Variants in COL4A4 observed in about 807,000 individuals in gnomAD.
The protein encoded by COL4A4 is collagen type IV alpha 4 chain, also known as collagen alpha-4(IV) chain.
COL4A4 carries 105 observed loss-of-function variants against 192.9 expected under a neutral mutation model. That is an observed-to-expected ratio of 0.54 (90% CI 0.46 to 0.64). The LOEUF is 0.64. Ranked by LOEUF, COL4A4 falls within the 30% of genes least tolerant of loss-of-function variation. The probability of loss-of-function intolerance (pLI) is 0.00; values close to 1 mark genes in which losing one functional copy is unlikely to be tolerated. For missense variants in COL4A4, 1,967 were observed against 2,169.3 expected (o/e 0.91, Z 1.85); for synonymous variants, 762 against 769.9 (o/e 0.99, Z 0.17).
intron 36 of COL4A4, among the ~76,000 whole-genome samples, chr2:227,042,456 A>G (rs1036759218): frequency 6.6e-6 from 1 of 152,220 alleles, no homozygotes; most frequent in African/African-American, 2.4e-5. Flanking sequence ...TGAAGTTGCC[A>G]ACTATAGTTT....
At position 227,060,119 on chromosome 2, in the gene COL4A4, A is replaced by AAAAC. The variant is rs1976575098; in HGVS notation, c.2164+16_2164+17insGTTT. The AAAAC allele has an allele frequency of 7.2e-7, 1 of 1,391,168 alleles. No homozygotes were observed. The highest frequency in any genetic ancestry group is 1.5e-5 in the African/African-American group (1 of 68,178). 86.2% of individuals were successfully genotyped at this position (1,391,168 alleles called of 1,614,324 possible). A position where few individuals can be genotyped will look rare whatever the true frequency, so the allele number is the denominator to read the frequency against. On this transcript the variant is annotated intron_variant, in intron 27 of 47. Coordinates refer to ENST00000396625, the MANE Select transcript of COL4A4 (RefSeq NM_000092.5). ...CAAAGCAGAAAAAAAAAAAAAAAAA[A>AAAAC]AAAAAACCTCACTGACCAGGTGGAC...
At chr2:227,138,504 G>T (rs2062975173) in intron 4 of COL4A4, among the ~76,000 whole-genome samples, 1 of 151,982 alleles carries the variant, frequency 6.6e-6, no homozygotes, top group East Asian at 1.9e-4. Flanking sequence ...ATGGTGGCGG[G>T]CGCCTGTAGT....
intron 32 of COL4A4, among the ~76,000 whole-genome samples, chr2:227,052,097 A>G (rs965285322): frequency 6.6e-6 from 1 of 152,060 alleles, no homozygotes; most frequent in African/African-American, 2.4e-5. Context: ...AGGCTGAGGC[A>G]GGAGAATCGC....
intron 25 of COL4A4, among the ~76,000 whole-genome samples, chr2:227,075,190 G>A (rs1311541119): frequency 1.3e-5 from 2 of 152,120 alleles, no homozygotes; most frequent in East Asian, 3.8e-4. Context: ...ACCTGGCAGA[G>A]ACACAACAAC....
rs1962200899 is a variant in COL4A4, at chr2:227,006,718, C to T, written c.*607G>A. The T allele has an allele frequency of 6.5e-6, 1 of 154,142 alleles. No individual in the cohort carries two copies. The highest frequency in any genetic ancestry group is 1.4e-5 in the Non-Finnish European group (1 of 69,540). The allele number at this position is 154,142 out of a possible 1,614,324, so 9.5% of individuals were successfully genotyped here. ...TGTGGGCCTTCCTGCCATCATGATTCATTCTCCTTTGAAAGGAACTGTTAA... is the reference window on the plus strand; with the variant it reads ...TGTGGGCCTTCCTGCCATCATGATTTATTCTCCTTTGAAAGGAACTGTTAA... On this transcript the variant is annotated 3_prime_UTR_variant, in exon 48 of 48. Transcript: ENST00000396625.
chr2:227,078,966 G>A (rs2059181898), intron 24 of COL4A4, among the ~76,000 whole-genome samples: 1 of 152,148 alleles, frequency 6.6e-6, no homozygotes, highest in Admixed American at 6.5e-5. Flanking sequence ...AAGAACTGTG[G>A]GGAGCCTGCA....
At chr2:227,075,942 C>A (rs2059000770) in intron 25 of COL4A4, among the ~76,000 whole-genome samples, 2 of 151,950 alleles carry the variant, frequency 1.3e-5, no homozygotes, top group Non-Finnish European at 2.9e-5. Context: ...ATATGAAGGA[C>A]CTCTTCAAGG....
chr2:226,971,443 C>G, the COL4A4 span, among the ~76,000 whole-genome samples: 4 of 152,190 alleles, frequency 2.6e-5, no homozygotes, highest in African/African-American at 7.2e-5. Flanking sequence ...AAGTGTGTTC[C>G]TCCCCATTTC....
At chr2:227,104,807 A>G (rs1021552519) in intron 12 of COL4A4, among the ~76,000 whole-genome samples, 25 of 150,962 alleles carry the variant, frequency 1.7e-4, no homozygotes, top group Admixed American at 9.2e-4. Context: ...TGCCCGGCTA[A>G]TTTTGTATTT....
In COL4A4 at chr2:227,108,635, T is replaced by C. The variant is rs1186214926; in HGVS notation, c.694-13A>G. 3.7e-6 allele frequency: 6 copies of C among 1,613,750 alleles called. No individual in the cohort carries two copies. Among genetic ancestry groups the C allele is most frequent in the Non-Finnish European group, 5.1e-6 (6 of 1,179,804 alleles). The stretch of plus-strand genomic sequence containing the variant: ...CACCGGGATTTCCCTGAGAAAGAAA[T>C]GAAAAAGAATCTAATTGCTTTTGAA... On this transcript the variant is annotated splice_polypyrimidine_tract_variant and intron_variant, in intron 11 of 47. Coordinates refer to ENST00000396625, the MANE Select transcript of COL4A4 (RefSeq NM_000092.5).
chr2:227,053,082 TGC>T (rs1974486706), intron 31 of COL4A4, among the ~76,000 whole-genome samples: 2 of 149,198 alleles, frequency 1.3e-5, no homozygotes, highest in Admixed American at 6.6e-5. Context: ...TAAACCACGG[TGC>T]TTTTTTTTTT....
the COL4A4 span, chr2:226,988,566 A>G: frequency 7.2e-7 from 1 of 1,389,130 alleles, no homozygotes; most frequent in Non-Finnish European, 9.3e-7. Flanking sequence ...ACTGGTGTGG[A>G]ATCTGCATCA....
chr2:227,008,135 G>A lies in COL4A4; in HGVS notation c.4692C>T (p.Ser1564=), dbSNP rs1424670300. Residue 1564 remains serine (S), a synonymous_variant, in exon 47 of 48, where the codon AGC becomes AGT. Transcript: ENST00000396625. ...CCGGGGCCTCGCATACCGCACAGCG[G>A]CTGACATAGGGGCGGATCGCCTCTT... ...LSEEAIRPYV[S]RCAVCEAPAQ... is the part of the protein sequence containing the mutation. 2 of 1,613,924 alleles carry A rather than the reference G, an allele frequency of 1.2e-6. No individual in the cohort carries two copies. The highest frequency in any genetic ancestry group is 4.5e-5 in the East Asian group (2 of 44,884).
downstream of COL4A4, among the ~76,000 whole-genome samples, chr2:227,000,972 G>T (rs577178371): frequency 6.6e-6 from 1 of 152,116 alleles, no homozygotes; most frequent in African/African-American, 2.4e-5. Flanking sequence ...CCCCAGGCAC[G>T]TGGAATTGTA....
chr2:227,144,578 C>T lies in COL4A4; in HGVS notation c.72-20G>A, dbSNP rs376062591. 60 of 1,570,240 alleles carry T rather than the reference C, an allele frequency of 3.8e-5. 1 individual carries two copies. In the South Asian group the frequency reaches 5.7e-4, roughly 15 times the overall value. ...AGTGACCTACAGAAAAACAAAAACG[C>T]AGATTAATTTAAACAGTTTCTTTTC... On this transcript the variant is annotated intron_variant, in intron 2 of 47. Transcript: ENST00000396625.
chr2:227,004,323 C>G lies in COL4A4; in HGVS notation c.*3002G>C, dbSNP rs1333044509. 6.6e-6 allele frequency: 1 copy of G among 152,400 alleles called. No individual in the cohort carries two copies. The highest frequency in any genetic ancestry group is 2.4e-5 in the African/African-American group (1 of 41,460). 9.4% of individuals were successfully genotyped at this position (152,400 alleles called of 1,614,324 possible). A position where few individuals can be genotyped will look rare whatever the true frequency, so the allele number is the denominator to read the frequency against. On this transcript the variant is annotated 3_prime_UTR_variant, in exon 48 of 48. Transcript: ENST00000396625. ...TAAACTGACCCCAGGGAGGACATCA[C>G]TGGTGAAGCAGGAGCAAAGTCGAAG...
intron 44 of COL4A4, among the ~76,000 whole-genome samples, chr2:227,016,501 T>A (rs944563806): frequency 6.6e-6 from 1 of 152,192 alleles, no homozygotes; most frequent in Non-Finnish European, 1.5e-5. Flanking sequence ...TTACGTGTTA[T>A]CTACAGCTAT....
the COL4A4 span, among the ~76,000 whole-genome samples, chr2:226,981,569 T>TACACACAC: frequency 0.031 from 4,698 of 150,230 alleles, 251 homozygotes; most frequent in African/African-American, 0.11. Context: ...TGCACACACA[T>TACACACAC]ACACACACAC....
At chr2:227,152,801 T>G (rs1348475087) in intron 1 of COL4A4, among the ~76,000 whole-genome samples, 14 of 152,190 alleles carry the variant, frequency 9.2e-5, no homozygotes. Context: ...AGCATTCCAC[T>G]CATCTACCTT....
Sources: gnomAD v4.1 joint callset for allele counts (sites outside exome capture counted in the v4.1 genomes callset) on GRCh38, gnomAD v4.1.1 for gene constraint, MANE v1.5 for transcripts, NCBI Gene and HGNC (gene_info 2026-07-23, HGNC 2026-07-21) for gene names.